Variants in SCFD2 observed in about 807,000 individuals in gnomAD.
The protein encoded by SCFD2 is sec1 family domain-containing protein 2.
A neutral mutation model predicts 58.9 loss-of-function variants in SCFD2; 54 were observed. That is an observed-to-expected ratio of 0.92 (90% CI 0.74 to 1.15). The LOEUF (loss-of-function observed/expected upper bound fraction) is 1.15. Among genes scored for constraint, SCFD2 ranks in the 50% most tolerant of loss-of-function variants. The pLI is 0.00. For synonymous variants in SCFD2, 321 were observed against 335.9 expected, an observed-to-expected ratio of 0.96 and a Z score of 0.49; for missense variants, 805 against 836.6, an observed-to-expected ratio of 0.96 and a Z score of 0.47.
chr4:53,328,957 C>T (rs950717729), intron 2 of SCFD2, among the ~76,000 whole-genome samples: 13 of 152,216 alleles, frequency 8.5e-5, no homozygotes, highest in African/African-American at 3.1e-4. Flanking sequence ...CAGGGAGTTC[C>T]CTTTCCGAGT....
intron 6 of SCFD2, among the ~76,000 whole-genome samples, chr4:52,908,354 G>A (rs1719396776): frequency 1.3e-5 from 2 of 152,156 alleles, no homozygotes; most frequent in South Asian, 4.1e-4. Context: ...TCTTTCCTTA[G>A]TTCTTGCTGC....
chr4:53,009,519 A>AG (rs1250331599), intron 5 of SCFD2, among the ~76,000 whole-genome samples: 1 of 152,256 alleles, frequency 6.6e-6, no homozygotes. Context: ...CTTGTAGGAC[A>AG]GATGTGCCGC....
intron 5 of SCFD2, among the ~76,000 whole-genome samples, chr4:53,140,376 G>A (rs2148908249): frequency 3.2e-5 from 1 of 31,326 alleles, no homozygotes; most frequent in African/African-American, 1.0e-4. Context: ...AAAATAAAAA[G>A]AACACCAAAA....
chr4:53,235,909 T>C (rs1403786393), intron 4 of SCFD2, among the ~76,000 whole-genome samples: 1 of 152,148 alleles, frequency 6.6e-6, no homozygotes, highest in Admixed American at 6.5e-5. Context: ...TGTAGAACAC[T>C]CTAAAGCCTG....
At chr4:52,906,036 G>T (rs1379487613) in intron 7 of SCFD2, among the ~76,000 whole-genome samples, 1 of 152,194 alleles carries the variant, frequency 6.6e-6, no homozygotes, top group Non-Finnish European at 1.5e-5. Flanking sequence ...GAACATATTT[G>T]ATCAAAGATC....
chr4:53,300,600 T>C (rs1732244767), intron 3 of SCFD2, among the ~76,000 whole-genome samples: 1 of 152,166 alleles, frequency 6.6e-6, no homozygotes, highest in South Asian at 2.1e-4. Flanking sequence ...CAAGCAGACC[T>C]AATAGACATC....
chr4:53,130,078 C>T (rs1437196892), intron 5 of SCFD2, among the ~76,000 whole-genome samples: 3 of 152,110 alleles, frequency 2.0e-5, no homozygotes, highest in Non-Finnish European at 4.4e-5. Flanking sequence ...CAAAATTAGA[C>T]TTGTGTCCCA....
intron 5 of SCFD2, among the ~76,000 whole-genome samples, chr4:52,998,305 T>C (rs568420439): frequency 2.6e-5 from 4 of 152,338 alleles, no homozygotes; most frequent in African/African-American, 9.6e-5. Context: ...ACATAGCCAC[T>C]GACCTCGCAG....
chr4:53,325,061 C>T (rs1484638951), intron 2 of SCFD2, among the ~76,000 whole-genome samples: 2 of 152,130 alleles, frequency 1.3e-5, no homozygotes, highest in African/African-American at 4.8e-5. Context: ...ATCTCCAACC[C>T]TAACCCACCT....
intron 3 of SCFD2, among the ~76,000 whole-genome samples, chr4:53,293,669 T>C (rs1397784471): frequency 1.3e-5 from 2 of 152,192 alleles, no homozygotes; most frequent in Admixed American, 6.5e-5. Flanking sequence ...GCTAACATCA[T>C]AATCAATGGC....
At chr4:53,025,832 A>G (rs1722462329) in intron 5 of SCFD2, among the ~76,000 whole-genome samples, 1 of 152,214 alleles carries the variant, frequency 6.6e-6, no homozygotes, top group Non-Finnish European at 1.5e-5. Context: ...GGATTTTTAA[A>G]TAATAGTTTG....
chr4:53,108,770 C>T (rs1266088318), intron 5 of SCFD2, among the ~76,000 whole-genome samples: 3 of 152,148 alleles, frequency 2.0e-5, no homozygotes, highest in Admixed American at 6.6e-5. Flanking sequence ...AGAGTCACAG[C>T]TGAATTCTAC....
At chr4:52,978,479 A>G (rs543959157) in intron 5 of SCFD2, among the ~76,000 whole-genome samples, 22 of 152,300 alleles carry the variant, frequency 1.4e-4, no homozygotes, top group African/African-American at 5.3e-4. Context: ...TGTGACTATT[A>G]CATTTCAGTA....
At chr4:52,942,407 G>A (rs989842664) in intron 5 of SCFD2, among the ~76,000 whole-genome samples, 1 of 152,176 alleles carries the variant, frequency 6.6e-6, no homozygotes, top group Admixed American at 6.5e-5. Context: ...CTGGACAGAT[G>A]TGACTATCTT....
chr4:53,018,672 G>C (rs777323175), intron 5 of SCFD2, among the ~76,000 whole-genome samples: 1 of 152,156 alleles, frequency 6.6e-6, no homozygotes, highest in Non-Finnish European at 1.5e-5. Context: ...TTCTGGGAAA[G>C]AGACCCAGCA....
At chr4:52,994,634 A>G (rs73250920) in intron 5 of SCFD2, among the ~76,000 whole-genome samples, 12,226 of 152,230 alleles carry the variant, frequency 0.08, 674 homozygotes, top group Non-Finnish European at 0.12. Flanking sequence ...CCAGGGCTCT[A>G]GCCCTTCCTC....
rs766640140 is a variant in SCFD2, at chr4:52,920,889, A to AT, written c.1562-20dup. ...TCCCAGTCTGAAAAAATCCAGAGATATTTTCTTGAGTGAGTAAATCTTTAA... is the reference window on the plus strand; with the variant it reads ...TCCCAGTCTGAAAAAATCCAGAGATATTTTTCTTGAGTGAGTAAATCTTTAA... On this transcript the variant is annotated intron_variant, in intron 5 of 8. Coordinates refer to ENST00000401642, the MANE Select transcript of SCFD2 (RefSeq NM_152540.4). 1.8e-5 allele frequency: 29 copies of AT among 1,574,990 alleles called. No individual in the cohort carries two copies. The African/African-American group carries it at 3.4e-4, about 19-fold the overall frequency.
chr4:52,987,739 A>C (rs1024414662), intron 5 of SCFD2, among the ~76,000 whole-genome samples: 1 of 152,170 alleles, frequency 6.6e-6, no homozygotes, highest in Non-Finnish European at 1.5e-5. Flanking sequence ...TACTTGACTT[A>C]TTTTTGTGCT....
intron 4 of SCFD2, among the ~76,000 whole-genome samples, chr4:53,225,517 T>C (rs1380480500): frequency 6.6e-6 from 1 of 152,258 alleles, no homozygotes; most frequent in Non-Finnish European, 1.5e-5. Flanking sequence ...TTATGGCAAA[T>C]ACTTTTCCTA....
Sources: gnomAD v4.1 joint callset for allele counts (sites outside exome capture counted in the v4.1 genomes callset) on GRCh38, gnomAD v4.1.1 for gene constraint, MANE v1.5 for transcripts, NCBI Gene and HGNC (gene_info 2026-07-23, HGNC 2026-07-21) for gene names.